The following PPP3CC variants were observed in gnomAD, a reference collection of about 807,000 sequenced individuals.
PPP3CC encodes serine/threonine-protein phosphatase 2B catalytic subunit gamma isoform.
In PPP3CC, 35 loss-of-function variants were observed where a neutral mutation model predicts 60.3. That is an observed-to-expected ratio of 0.58 (90% CI 0.44 to 0.77). The LOEUF is 0.77. Ranked by LOEUF, PPP3CC falls within the 30% of genes least tolerant of loss-of-function variation. The probability of loss-of-function intolerance (pLI) is 0.00; values close to 1 mark genes in which losing one functional copy is unlikely to be tolerated. For missense variants in PPP3CC, 570 were observed against 628.9 expected (o/e 0.91, Z 1.00); for synonymous variants, 206 against 224.3 (o/e 0.92, Z 0.73).
At chr8:22,506,570 C>G (rs1161270671) in intron 4 of PPP3CC, among the ~76,000 whole-genome samples, 3 of 151,974 alleles carry the variant, frequency 2.0e-5, no homozygotes, top group African/African-American at 7.3e-5. Flanking sequence ...GTAAAGACAC[C>G]CAGGAAACTG....
intron 4 of PPP3CC, among the ~76,000 whole-genome samples, chr8:22,500,424 G>T (rs1838728259): frequency 1.3e-5 from 2 of 151,840 alleles, no homozygotes; most frequent in Admixed American, 6.6e-5. Context: ...TTTTTCTGCA[G>T]ATTATTATCT....
At chr8:22,513,263 T>C (rs758166926) in intron 5 of PPP3CC, 30 bp from the exon 6 acceptor site, 1 of 1,598,396 alleles carries the variant, frequency 6.3e-7, no homozygotes, top group South Asian at 1.1e-5. Flanking sequence ...TCTCCTGATT[T>C]TTTTCTTTTG....
intron 1 of PPP3CC, among the ~76,000 whole-genome samples, chr8:22,451,714 G>A (rs145413265): frequency 1.6e-3 from 241 of 152,064 alleles, no homozygotes; most frequent in African/African-American, 5.6e-3. Context: ...CCACGTAGGT[G>A]GCTAAGGGTA....
intron 1 of PPP3CC, among the ~76,000 whole-genome samples, chr8:22,469,575 A>G (rs79288673): frequency 6.6e-6 from 1 of 152,020 alleles, no homozygotes; most frequent in East Asian, 1.9e-4. Context: ...GAAAAAAAAA[A>G]GCTACAGCTT....
chr8:22,513,868 T>G (rs1029971878), intron 6 of PPP3CC, among the ~76,000 whole-genome samples: 9 of 152,236 alleles, frequency 5.9e-5, no homozygotes, highest in Admixed American at 3.9e-4. Context: ...AACAGGACAT[T>G]GTGAACTAAG....
intron 6 of PPP3CC, among the ~76,000 whole-genome samples, chr8:22,515,128 C>G (rs1839208999): frequency 6.6e-6 from 1 of 152,038 alleles, no homozygotes; most frequent in East Asian, 1.9e-4. Context: ...CTCTTACTAC[C>G]CTTCCCAGCC....
At chr8:22,530,829 C>CAAACAAAAAAAAAAAAAAAAAAAAAA (rs1839691242) in intron 10 of PPP3CC, among the ~76,000 whole-genome samples, 2 of 58,048 alleles carry the variant, frequency 3.4e-5, no homozygotes, top group African/African-American at 1.0e-4. Context: ...AGACTCATCT[C>CAAACAAAAAAAAAAAAAAAAAAAAAA]AAAAAAAAAA....
At chr8:22,504,686 GCCTCCCTCCCTCCTTC>G (rs1360163266) in intron 4 of PPP3CC, among the ~76,000 whole-genome samples, 4 of 151,784 alleles carry the variant, frequency 2.6e-5, no homozygotes, top group South Asian at 2.1e-4. Context: ...CATAGTGCCT[GCCTCCCTCCCTCCTTC>G]CCTCCCTCCC....
At chr8:22,483,842 A>T (rs956598679) in intron 3 of PPP3CC, among the ~76,000 whole-genome samples, 18 of 152,034 alleles carry the variant, frequency 1.2e-4, no homozygotes, top group African/African-American at 4.1e-4. Flanking sequence ...TCTTGTAATT[A>T]AAAAAAATTT....
chr8:22,531,805 A>T (rs1839723711), intron 10 of PPP3CC, among the ~76,000 whole-genome samples: 1 of 152,216 alleles, frequency 6.6e-6, no homozygotes. Context: ...CAGCTGCTGG[A>T]ATGATCACTT....
At chr8:22,462,123 A>T (rs1837379674) in intron 1 of PPP3CC, among the ~76,000 whole-genome samples, 1 of 152,132 alleles carries the variant, frequency 6.6e-6, no homozygotes, top group Non-Finnish European at 1.5e-5. Flanking sequence ...ACACACCTGT[A>T]GTCTTAGGTA....
rs377003508 is a variant in PPP3CC, at chr8:22,513,452, C to G, written c.770+20C>G. 199 of 1,553,206 alleles carry G rather than the reference C, an allele frequency of 1.3e-4. No homozygotes were observed. Among genetic ancestry groups the G allele is most frequent in the Non-Finnish European group, 1.6e-4 (188 of 1,154,600 alleles). On this transcript the variant is annotated intron_variant, in intron 6 of 13. Coordinates refer to ENST00000240139, the MANE Select transcript of PPP3CC (RefSeq NM_005605.5). Reference sequence around the variant, plus strand: ...CTACAGGTAAGCTAGTCCTTGAGGTCGAAAATTATGAAAGGAAACTGTAAT... The same window carrying G: ...CTACAGGTAAGCTAGTCCTTGAGGTGGAAAATTATGAAAGGAAACTGTAAT...
At chr8:22,486,009 G>T (rs1444711557) in intron 3 of PPP3CC, among the ~76,000 whole-genome samples, 1 of 152,116 alleles carries the variant, frequency 6.6e-6, no homozygotes, top group East Asian at 1.9e-4. Flanking sequence ...TGCTTGCAGA[G>T]AATTACATTT....
chr8:22,490,145 T>G (rs1838356775), intron 3 of PPP3CC, among the ~76,000 whole-genome samples: 1 of 152,142 alleles, frequency 6.6e-6, no homozygotes, highest in Non-Finnish European at 1.5e-5. Flanking sequence ...ATATTAATTT[T>G]TTAATGTATA....
chr8:22,479,182 A>G (rs1261979300), intron 3 of PPP3CC, among the ~76,000 whole-genome samples: 1 of 151,760 alleles, frequency 6.6e-6, no homozygotes, highest in African/African-American at 2.4e-5. Flanking sequence ...TTTTTGTTTA[A>G]TAGATGAAAA....
At chr8:22,455,946 G>T (rs796807260) in intron 1 of PPP3CC, among the ~76,000 whole-genome samples, 5 of 152,180 alleles carry the variant, frequency 3.3e-5, no homozygotes, top group Admixed American at 2.6e-4. Context: ...CACTTGTTCT[G>T]GTGAGGAACA....
At chr8:22,529,975 A>T (rs1038505107) in intron 10 of PPP3CC, among the ~76,000 whole-genome samples, 6 of 152,180 alleles carry the variant, frequency 3.9e-5, no homozygotes, top group Non-Finnish European at 5.9e-5. Context: ...AACCGGCCTC[A>T]TCCTATCCAG....
chr8:22,526,498 A>G (rs1052175070), intron 8 of PPP3CC, among the ~76,000 whole-genome samples: 5 of 152,216 alleles, frequency 3.3e-5, no homozygotes, highest in Non-Finnish European at 5.9e-5. Flanking sequence ...TTTTCTTAAT[A>G]ATATATGGTG....
At chr8:22,487,110 C>G (rs903880572) in intron 3 of PPP3CC, among the ~76,000 whole-genome samples, 1 of 152,134 alleles carries the variant, frequency 6.6e-6, no homozygotes, top group African/African-American at 2.4e-5. Flanking sequence ...TTAAATGGTA[C>G]AAAGTTGTCT....
Sources: allele counts gnomAD v4.1 joint callset (sites outside exome capture counted in the v4.1 genomes callset), GRCh38; gene constraint gnomAD v4.1.1; transcripts MANE v1.5; gene names NCBI Gene and HGNC (gene_info 2026-07-23, HGNC 2026-07-21).